METTL15: variants seen among roughly 807,000 people sequenced by gnomAD.
METTL15 encodes 12S rRNA N(4)-cytidine methyltransferase METTL15.
A neutral mutation model predicts 38.3 loss-of-function variants in METTL15; 34 were observed. The ratio of observed to expected loss-of-function variants is 0.89; its 90% CI spans 0.68 to 1.18. The LOEUF (loss-of-function observed/expected upper bound fraction) is 1.18. METTL15 is among the 50% of genes most tolerant of loss of function. METTL15 has a pLI of 0.00. For synonymous variants in METTL15, 162 were observed against 170.9 expected (o/e 0.95, Z 0.41); for missense variants, 438 against 498.4 (o/e 0.88, Z 1.15).
intron 3 of METTL15, among the ~76,000 whole-genome samples, chr11:28,351,052 G>A (rs770433847): frequency 1.3e-5 from 2 of 152,106 alleles, no homozygotes; most frequent in Non-Finnish European, 2.9e-5. Flanking sequence ...TAGCAGCAGG[G>A]TCTACTCTAC....
chr11:28,422,056 G>A (rs1850825345), intron 5 of METTL15, among the ~76,000 whole-genome samples: 1 of 151,526 alleles, frequency 6.6e-6, no homozygotes, highest in South Asian at 2.1e-4. Flanking sequence ...CAAACAATCT[G>A]GAAAAGAAAT....
chr11:28,273,087 C>A (rs1855710258), intron 4 of METTL15, among the ~76,000 whole-genome samples: 1 of 152,032 alleles, frequency 6.6e-6, no homozygotes, highest in Non-Finnish European at 1.5e-5. Context: ...TTAAAATATT[C>A]TGTGAATCAT....
intron 3 of METTL15, chr11:28,163,364 C>T (rs1366049940): frequency 5.0e-6 from 2 of 398,062 alleles, no homozygotes; most frequent in African/African-American, 2.1e-5. Context: ...TTCCCATGTG[C>T]TCATCTTTCT....
chr11:28,299,121 A>G (rs1356833453), intron 6 of METTL15, among the ~76,000 whole-genome samples: 2 of 152,164 alleles, frequency 1.3e-5, no homozygotes, highest in South Asian at 2.1e-4. Flanking sequence ...ATAAAAGCAG[A>G]TAACTATAGA....
At chr11:28,222,190 G>A (rs1853265112) in intron 4 of METTL15, among the ~76,000 whole-genome samples, 1 of 152,224 alleles carries the variant, frequency 6.6e-6, no homozygotes, top group Admixed American at 6.5e-5. Context: ...TTGAGCTGCG[G>A]TGGGCTTCAC....
At position 28,493,381 on chromosome 11, in the gene METTL15, G is replaced by A. The variant is rs201199357; in HGVS notation, c.*425-33097G>A. On this transcript the variant is annotated intron_variant and NMD_transcript_variant, in intron 6 of 7. Coordinates refer to the METTL15 transcript ENST00000532947. ...AAGAATGGAGCATCAATAATTAAAGGTACAATCATAGCTGAAGCTTCCGTT... is the reference window on the plus strand; with the variant it reads ...AAGAATGGAGCATCAATAATTAAAGATACAATCATAGCTGAAGCTTCCGTT... Among the ~76,000 whole-genome samples the A allele has an allele frequency of 3.3e-5, 5 of 152,116 alleles. No individual in the cohort carries two copies. In the East Asian group the frequency reaches 5.8e-4, roughly 18 times the overall value.
At chr11:28,268,305 T>TC (rs1220329595) in intron 4 of METTL15, among the ~76,000 whole-genome samples, 8 of 151,864 alleles carry the variant, frequency 5.3e-5, no homozygotes, top group Non-Finnish European at 1.0e-4. Context: ...ATTGCTATAT[T>TC]CATCAGTAAC....
chr11:28,157,813 A>G (rs376989183), intron 3 of METTL15, among the ~76,000 whole-genome samples: 7 of 152,270 alleles, frequency 4.6e-5, no homozygotes, highest in Admixed American at 1.3e-4. Context: ...GCCTGCACCA[A>G]TGGCCTCCTG....
At chr11:28,405,654 T>C (rs1474047773) in intron 5 of METTL15, among the ~76,000 whole-genome samples, 1 of 152,178 alleles carries the variant, frequency 6.6e-6, no homozygotes, top group Admixed American at 6.6e-5. Context: ...TGTTTGACTC[T>C]AAAATCACTA....
chr11:28,419,980 A>C (rs936778715), intron 5 of METTL15, among the ~76,000 whole-genome samples: 2 of 152,180 alleles, frequency 1.3e-5, no homozygotes, highest in Non-Finnish European at 2.9e-5. Context: ...CAGAAGAGAC[A>C]AGGAAAAAAG....
intron 3 of METTL15, among the ~76,000 whole-genome samples, chr11:28,199,074 C>T (rs1852012091): frequency 6.6e-6 from 1 of 151,928 alleles, no homozygotes; most frequent in Non-Finnish European, 1.5e-5. Context: ...AGGAGCATCC[C>T]TCTGTTGTCA....
At position 28,239,939 on chromosome 11, in the gene METTL15, A is replaced by G. The variant is rs543878702; in HGVS notation, c.407+28741A>G. On this transcript the variant is annotated intron_variant, in intron 4 of 6. Coordinates refer to ENST00000407364, the MANE Select transcript of METTL15 (RefSeq NM_001113528.2). ...TTATTGTCTGTTTACCCCAACTAGAATATAACTACCATGACAGTAGGAGTA... is the reference window on the plus strand; with the variant it reads ...TTATTGTCTGTTTACCCCAACTAGAGTATAACTACCATGACAGTAGGAGTA... 3.9e-5 allele frequency among the ~76,000 whole-genome samples: 6 copies of G among 152,322 alleles called. No homozygotes were observed. The South Asian group carries it at 8.3e-4, about 21-fold the overall frequency.
chr11:28,512,545 C>G (rs1209680644), intron 6 of METTL15, among the ~76,000 whole-genome samples: 1 of 152,228 alleles, frequency 6.6e-6, no homozygotes, highest in Admixed American at 6.5e-5. Context: ...GCTGGGGGAC[C>G]CAGTACACCC....
intron 4 of METTL15, among the ~76,000 whole-genome samples, chr11:28,249,450 T>G (rs1415917029): frequency 6.6e-6 from 1 of 152,006 alleles, no homozygotes; most frequent in Non-Finnish European, 1.5e-5. Flanking sequence ...AACCCGATAC[T>G]ATATTATAAT....
At chr11:28,158,945 T>C (rs1850356579) in intron 3 of METTL15, among the ~76,000 whole-genome samples, 1 of 152,088 alleles carries the variant, frequency 6.6e-6, no homozygotes, top group African/African-American at 2.4e-5. Flanking sequence ...ATGGTACTGT[T>C]TCTCCCATAG....
chr11:28,367,354 A>G (rs189612919), intron 5 of METTL15, among the ~76,000 whole-genome samples: 92 of 152,310 alleles, frequency 6.0e-4, no homozygotes, highest in Non-Finnish European at 1.1e-3. Context: ...ACAAGCTTAG[A>G]GAAAACACAT....
At chr11:28,240,222 C>G (rs1461701672) in intron 4 of METTL15, among the ~76,000 whole-genome samples, 1 of 152,142 alleles carries the variant, frequency 6.6e-6, no homozygotes, top group Non-Finnish European at 1.5e-5. Context: ...ATAACACATT[C>G]ATTCGTTCAT....
chr11:28,462,142 G>T (rs1851221434), intron 6 of METTL15, among the ~76,000 whole-genome samples: 1 of 152,080 alleles, frequency 6.6e-6, no homozygotes, highest in Non-Finnish European at 1.5e-5. Context: ...ATGCTTAATT[G>T]TACCTGTTAG....
chr11:28,112,557 T>C (rs1213532560), intron 2 of METTL15, among the ~76,000 whole-genome samples: 1 of 152,182 alleles, frequency 6.6e-6, no homozygotes, highest in Admixed American at 6.5e-5. Flanking sequence ...TAAAGAGTTA[T>C]GGATTGCTGA....
Sources: allele counts gnomAD v4.1 joint callset (sites outside exome capture counted in the v4.1 genomes callset), GRCh38; gene constraint gnomAD v4.1.1; transcripts MANE v1.5; gene names NCBI Gene and HGNC (gene_info 2026-07-23, HGNC 2026-07-21).